COL6A2: variants seen among roughly 807,000 people sequenced by gnomAD.
The protein encoded by COL6A2 is collagen type VI alpha 2 chain.
Under a neutral mutation model 124.9 loss-of-function variants are expected in COL6A2, and 90 were observed. The ratio of observed to expected loss-of-function variants is 0.72; its 90% CI spans 0.61 to 0.86. The LOEUF (loss-of-function observed/expected upper bound fraction) is 0.86. Ranked by LOEUF, COL6A2 falls within the 40% of genes least tolerant of loss-of-function variation. The probability of loss-of-function intolerance (pLI) is 0.00; values close to 1 mark genes in which losing one functional copy is unlikely to be tolerated. For synonymous variants in COL6A2, 793 were observed against 618.2 expected, an observed-to-expected ratio of 1.28 and a Z score of -4.19; for missense variants, 1,607 against 1,502.5, an observed-to-expected ratio of 1.07 and a Z score of -1.15.
intron 21 of COL6A2, 82 bp from the exon 22 acceptor site, chr21:46,124,569 T>C: frequency 2.2e-6 from 3 of 1,357,516 alleles, no homozygotes; most frequent in Middle Eastern, 2.0e-4. Flanking sequence ...GACCCGTGGT[T>C]GGGGACAGCA....
chr21:46,122,491 C>A lies in COL6A2; in HGVS notation c.1573-5C>A, dbSNP rs548242000. The A allele has an allele frequency of 6.2e-7, 1 of 1,612,840 alleles. No individual in the cohort carries two copies. Among genetic ancestry groups the A allele is most frequent in the Admixed American group, 1.7e-5 (1 of 60,016 alleles). On this transcript the variant is annotated splice_region_variant and splice_polypyrimidine_tract_variant and intron_variant, in intron 19 of 27. Transcript: ENST00000300527. Reference sequence around the variant, plus strand: ...GAGTCACCCTGGCTTCTGTTTGCTTCACAGGGAGAAAAAGGCGAGCCCGGC... The same window carrying A: ...GAGTCACCCTGGCTTCTGTTTGCTTAACAGGGAGAAAAAGGCGAGCCCGGC...
intron 21 of COL6A2, 50 bp from the exon 22 acceptor site, chr21:46,124,601 G>C (rs751250824): frequency 2.8e-5 from 45 of 1,586,444 alleles, no homozygotes; most frequent in Non-Finnish European, 3.7e-5. Flanking sequence ...GCTGTGTGCA[G>C]GGACTGTCCC....
Position 46,109,532 on chromosome 21 carries a change from C to T in COL6A2, c.-27-1918C>T, listed in dbSNP as rs114072064. Reference sequence around the variant, plus strand: ...TGCCCAGGAGCCTATCTGCCTCCTGCAGCCATCCATGGTGCCCAGGCTGCT... The same window carrying T: ...TGCCCAGGAGCCTATCTGCCTCCTGTAGCCATCCATGGTGCCCAGGCTGCT... On this transcript the variant is annotated intron_variant, in intron 1 of 27. Transcript: ENST00000300527. 1.8e-3 allele frequency among the ~76,000 whole-genome samples: 272 copies of T among 152,342 alleles called. 1 individual carries two copies. Among genetic ancestry groups the T allele is most frequent in the African/African-American group, 6.3e-3 (263 of 41,590 alleles).
chr21:46,098,298 A>T (rs976421098), intron 1 of COL6A2, 125 bp downstream of exon 1: 1 of 151,380 alleles, frequency 6.6e-6, no homozygotes, highest in African/African-American at 2.4e-5. Context: ...CTCCAGCCCC[A>T]GGGACGGCGG....
chr21:46,131,782 CTT>C (rs1363959139), intron 27 of COL6A2, among the ~76,000 whole-genome samples, 170 bp from the exon 28 acceptor site: 1 of 152,162 alleles, frequency 6.6e-6, no homozygotes, highest in African/African-American at 2.4e-5. Flanking sequence ...CTGAAAGTGT[CTT>C]GGGCTAAGGA....
Position 46,132,351 on chromosome 21 carries a change from C to G in COL6A2, c.2859C>G (p.Gly953=). The change falls in exon 28 of 28, where the codon GGC becomes GGG. Residue 953 remains glycine (G), a synonymous_variant. Transcript: ENST00000300527. ...TGTTCCTCACGGACGGCGTCACGGG[C>G]AACGACAGTCTGCACGAGTCGGCGC... ...SFVFLTDGVT[G]NDSLHESAHS... 6.2e-7 allele frequency: 1 copy of G among 1,608,606 alleles called. No individual in the cohort carries two copies. Among genetic ancestry groups the G allele is most frequent in the East Asian group, 2.2e-5 (1 of 44,860 alleles).
At position 46,125,963 on chromosome 21, in the gene COL6A2, G is replaced by C; in HGVS notation, c.2148G>C (p.Lys716Asn). 1 of 1,613,222 alleles carries C rather than the reference G, an allele frequency of 6.2e-7. No individual in the cohort carries two copies. Among genetic ancestry groups the C allele is most frequent in the Non-Finnish European group, 8.5e-7 (1 of 1,179,958 alleles). ...AGTTTGCCTACGACCGCCTCATCAAGGAGAGCCGGCGCCAGAAGACACGTG... is the reference window on the plus strand; with the variant it reads ...AGTTTGCCTACGACCGCCTCATCAACGAGAGCCGGCGCCAGAAGACACGTG... ...ALKFAYDRLIKESRRQKTRVF... is the reference protein window; with the variant it reads ...ALKFAYDRLINESRRQKTRVF... The change falls in exon 26 of 28, where the codon AAG (lysine) becomes AAC (asparagine). Residue 716 changes from lysine to asparagine, a missense_variant. By Grantham distance (94) the Lys-to-Asn change is moderately conservative. Around this residue, in one of 3 missense-constraint regions of COL6A2, gnomAD observed 1,223 missense variants for 1,052.2 expected, o/e 1.16. Coordinates refer to ENST00000300527, the MANE Select transcript of COL6A2 (RefSeq NM_001849.4).
chr21:46,117,648 A>T (rs1392045827), intron 11 of COL6A2, 195 bp downstream of exon 11: 3 of 740,494 alleles, frequency 4.1e-6, no homozygotes, highest in Non-Finnish European at 6.9e-6. Context: ...CTCCTGGCGG[A>T]TCCCCGTGGC....
intron 4 of COL6A2, 99 bp downstream of exon 4, chr21:46,112,923 A>G: frequency 6.8e-7 from 1 of 1,480,444 alleles, no homozygotes; most frequent in Non-Finnish European, 9.4e-7. Context: ...AGGCTGGAAC[A>G]GATGAGAGGA....
intron 17 of COL6A2, 106 bp downstream of exon 17, chr21:46,121,229 G>A (rs905041520): frequency 7.0e-6 from 8 of 1,145,452 alleles, no homozygotes; most frequent in Non-Finnish European, 9.1e-6. Context: ...AGCAAACCCA[G>A]GCAGCAGAGC....
chr21:46,131,184 G>A (rs1475581247), intron 27 of COL6A2, among the ~76,000 whole-genome samples: 2 of 152,204 alleles, frequency 1.3e-5, no homozygotes, highest in East Asian at 3.9e-4. Flanking sequence ...AGGCCACAGG[G>A]CCAGGTCCAC....
At chr21:46,110,301 T>A (rs377611438) in intron 1 of COL6A2, among the ~76,000 whole-genome samples, 2 of 152,170 alleles carry the variant, frequency 1.3e-5, no homozygotes, top group East Asian at 1.9e-4. Context: ...ATCAGTAATA[T>A]TTATAGTGAT....
rs748537514 is a variant in COL6A2 at position 46,112,337 on chromosome 21, G to C, written c.474G>C (p.Val158=). 6.2e-7 allele frequency: 1 copy of C among 1,610,450 alleles called. No individual in the cohort carries two copies. Among genetic ancestry groups the C allele is most frequent in the Non-Finnish European group, 8.5e-7 (1 of 1,178,914 alleles). ...DRSKGTVHFA[V]VITDGHVTGS... ...GCAAGGGCACCGTCCACTTCGCCGT[G>C]GTCATCACCGACGGCCACGTCACCG... Residue 158 remains valine (V), a synonymous_variant, in exon 3 of 28, where the codon GTG becomes GTC. Transcript: ENST00000300527.
chr21:46,122,683 G>T, intron 20 of COL6A2, 152 bp downstream of exon 20: 1 of 1,057,954 alleles, frequency 9.5e-7, no homozygotes, highest in Non-Finnish European at 1.4e-6. Flanking sequence ...CCTATGCTGA[G>T]CTCTGGGGGA....
At chr21:46,131,925 G>A (rs527307972) in intron 27 of COL6A2, 29 bp from the exon 28 acceptor site, 72 of 1,560,088 alleles carry the variant, frequency 4.6e-5, no homozygotes, top group East Asian at 2.9e-4. Context: ...CCTCCCCTCC[G>A]CCCAGCCCGC....
chr21:46,126,166 G>C lies in COL6A2; in HGVS notation c.2351G>C (p.Arg784Pro), dbSNP rs75120695. Residue 784 changes from arginine to proline, a missense_variant, in exon 26 of 28, where the codon CGC becomes CCC. By Grantham distance (103) the Arg-to-Pro change is moderately radical. Around this residue, in one of 3 missense-constraint regions of COL6A2, gnomAD observed 1,223 missense variants for 1,052.2 expected, o/e 1.16. Coordinates refer to ENST00000300527, the MANE Select transcript of COL6A2 (RefSeq NM_001849.4). ...GCCTGCGACAAGCCACAGCAGGTGC[G>C]CAACATGACGCTGTTCTCCGACCTG... ...SIACDKPQQV[R>P]NMTLFSDLVA... is the part of the protein sequence containing the mutation. 6.2e-7 allele frequency: 1 copy of C among 1,608,798 alleles called. No individual in the cohort carries two copies. Among genetic ancestry groups the C allele is most frequent in the Non-Finnish European group, 8.5e-7 (1 of 1,180,004 alleles).
chr21:46,119,836 C>T lies in COL6A2; in HGVS notation c.1318C>T (p.Pro440Ser). ...CAAGGGCAGCCCAGGCAGCGATGGC[C>T]CCAAGGGGGAGAAGGTGAGTCCTCG... ...GTKGSPGSDG[P>S]KGEKGDPGPE... The change falls in exon 15 of 28, where the codon CCC becomes TCC. Residue 440 changes from proline (P) to serine (S), a missense_variant. Around this residue, in one of 3 missense-constraint regions of COL6A2, gnomAD observed 1,223 missense variants for 1,052.2 expected, o/e 1.16. Coordinates refer to ENST00000300527, the MANE Select transcript of COL6A2 (RefSeq NM_001849.4). The T allele has an allele frequency of 6.4e-7, 1 of 1,560,762 alleles. No individual in the cohort carries two copies. Among genetic ancestry groups the T allele is most frequent in the African/African-American group, 1.3e-5 (1 of 74,190 alleles).
In COL6A2 at chr21:46,126,112, A is replaced by T; in HGVS notation, c.2297A>T (p.Lys766Met). 1 of 1,612,662 alleles carries T rather than the reference A, an allele frequency of 6.2e-7. No homozygotes were observed. The highest frequency in any genetic ancestry group is 2.2e-5 in the East Asian group (1 of 44,872). ...GGCATCGGGGACATGTTCCACGAGA[A>T]GCACGAGAGTGAAAACCTCTACTCC... ...AIGIGDMFHEKHESENLYSIA... is the reference protein window; with the variant it reads ...AIGIGDMFHEMHESENLYSIA... Residue 766 changes from lysine (K) to methionine (M), a missense_variant, in exon 26 of 28, where the codon AAG (lysine) becomes ATG (methionine). Lys to Met is a moderately conservative substitution (Grantham distance 95). Coordinates refer to ENST00000300527, the MANE Select transcript of COL6A2 (RefSeq NM_001849.4).
chr21:46,120,243 G>A (rs1190193725), intron 15 of COL6A2, among the ~76,000 whole-genome samples: 2 of 152,120 alleles, frequency 1.3e-5, no homozygotes, highest in South Asian at 2.1e-4. Context: ...CTTGACATCA[G>A]GTGAAGGGGC....
Sources: allele counts gnomAD v4.1 joint callset (sites outside exome capture counted in the v4.1 genomes callset), GRCh38; gene constraint gnomAD v4.1.1; regional missense constraint gnomAD v4.1.1; transcripts MANE v1.5; gene names NCBI Gene and HGNC (gene_info 2026-07-23, HGNC 2026-07-21).